The following SLC14A2 variants were observed in gnomAD, a reference collection of about 807,000 sequenced individuals.
SLC14A2 encodes the protein urea transporter 2.
SLC14A2 carries 91 observed loss-of-function variants against 104.6 expected under a neutral mutation model. The observed-to-expected ratio is 0.87, with a 90% confidence interval of 0.73 to 1.04. The LOEUF (loss-of-function observed/expected upper bound fraction) is 1.04. SLC14A2 is among the 50% of genes least tolerant of loss of function. SLC14A2 has a pLI of 0.00. For synonymous variants in SLC14A2, 476 were observed against 466.4 expected (o/e 1.02, Z -0.27); for missense variants, 1,189 against 1,156.0 (o/e 1.03, Z -0.41).
At chr18:45,485,673 G>GT (rs1186865961) in intron 2 of SLC14A2, among the ~76,000 whole-genome samples, 2 of 152,088 alleles carry the variant, frequency 1.3e-5, no homozygotes, top group African/African-American at 4.8e-5. Flanking sequence ...GTTTCTTATA[G>GT]TTTTTTCTTC....
chr18:45,425,313 G>A (rs776123249), intron 1 of SLC14A2, among the ~76,000 whole-genome samples: 5 of 152,110 alleles, frequency 3.3e-5, no homozygotes, highest in Non-Finnish European at 5.9e-5. Flanking sequence ...ATTCTACATG[G>A]CATGGCTATA....
the SLC14A2 span, among the ~76,000 whole-genome samples, chr18:45,194,347 C>T: frequency 6.6e-6 from 1 of 152,136 alleles, no homozygotes; most frequent in Non-Finnish European, 1.5e-5. Context: ...GTAGGGTCGC[C>T]ATCAGGTTCA....
chr18:45,417,731 T>C (rs151298899), intron 1 of SLC14A2, among the ~76,000 whole-genome samples: 86 of 152,306 alleles, frequency 5.6e-4, no homozygotes, highest in African/African-American at 2.0e-3. Flanking sequence ...TTATTGTTGA[T>C]AATAATTGTC....
At chr18:45,365,862 A>G (rs1456818746) in intron 1 of SLC14A2, among the ~76,000 whole-genome samples, 1 of 152,116 alleles carries the variant, frequency 6.6e-6, no homozygotes. Context: ...TTTTTCCAGC[A>G]CTGTGAATGA....
upstream of SLC14A2, chr18:45,212,865 G>C (rs1277478580): frequency 6.6e-6 from 1 of 152,252 alleles, no homozygotes; most frequent in African/African-American, 2.4e-5. Context: ...CGATCCCTCT[G>C]TTGTGCCATG....
chr18:45,528,192 G>C (rs1487751576), intron 2 of SLC14A2: 1 of 145,284 alleles, frequency 6.9e-6, no homozygotes, highest in African/African-American at 2.5e-5. Context: ...CGGGGGGGGG[G>C]GGGGGTGTCT....
chr18:45,197,921 G>A, the SLC14A2 span, among the ~76,000 whole-genome samples: 2 of 152,160 alleles, frequency 1.3e-5, no homozygotes, highest in Non-Finnish European at 2.9e-5. Flanking sequence ...AAGGAAAAAT[G>A]AAAATCTAAA....
At chr18:45,260,694 A>G (rs751801523) in intron 1 of SLC14A2, among the ~76,000 whole-genome samples, 6 of 152,194 alleles carry the variant, frequency 3.9e-5, no homozygotes, top group Non-Finnish European at 8.8e-5. Context: ...TTATCCTTGA[A>G]TTAACAATGC....
intron 2 of SLC14A2, among the ~76,000 whole-genome samples, chr18:45,488,487 C>T (rs1033581060): frequency 6.6e-6 from 1 of 152,114 alleles, no homozygotes; most frequent in Non-Finnish European, 1.5e-5. Context: ...ATGGAAGTGG[C>T]TAAAGAACAG....
intron 1 of SLC14A2, among the ~76,000 whole-genome samples, chr18:45,267,107 G>T (rs1179058903): frequency 6.6e-6 from 1 of 152,136 alleles, no homozygotes; most frequent in East Asian, 1.9e-4. Context: ...AGTGTTCAGG[G>T]TTCTGCCAAA....
At position 45,636,411 on chromosome 18, in the gene SLC14A2, C is replaced by T. The variant is rs111875527; in HGVS notation, c.651-579C>T. Among the ~76,000 whole-genome samples the T allele has an allele frequency of 4.9e-3, 748 of 152,318 alleles. 9 individuals carry two copies. Among genetic ancestry groups the T allele is most frequent in the African/African-American group, 0.017 (697 of 41,572 alleles). On this transcript the variant is annotated intron_variant, in intron 5 of 19. Transcript: ENST00000255226. ...CACTAAGCTTCATCTGTCTCCAACA[C>T]CCATTCTCCTTCCAAGGAAAAGATG... is the stretch of plus-strand genomic sequence containing the variant.
At chr18:45,498,494 C>T (rs897413516) in intron 2 of SLC14A2, among the ~76,000 whole-genome samples, 2 of 152,220 alleles carry the variant, frequency 1.3e-5, no homozygotes, top group Non-Finnish European at 1.5e-5. Context: ...TTGCCGTTTG[C>T]TGCAACACCA....
intron 1 of SLC14A2, among the ~76,000 whole-genome samples, chr18:45,442,189 G>A (rs1172623436): frequency 6.6e-6 from 1 of 152,184 alleles, no homozygotes; most frequent in Non-Finnish European, 1.5e-5. Context: ...TTTAACTGAT[G>A]TGAGCCTCAG....
At chr18:45,514,822 T>C (rs914698038) in intron 2 of SLC14A2, among the ~76,000 whole-genome samples, 1 of 152,236 alleles carries the variant, frequency 6.6e-6, no homozygotes, top group African/African-American at 2.4e-5. Context: ...CTTTTGCTTA[T>C]ACTGCACTGG....
rs62090756 is a variant in SLC14A2, at chr18:45,437,086, G to C, written c.-124-46147G>C. 2.1e-3 allele frequency among the ~76,000 whole-genome samples: 322 copies of C among 152,308 alleles called. 7 individuals are homozygous for C. The highest frequency in any genetic ancestry group is 2.4e-3 in the Non-Finnish European group (160 of 68,034). ...CCCCACTTCCCACACACACAGGCAC[G>C]TATAGATGTACGCGCTAATGGACGC... On this transcript the variant is annotated intron_variant, in intron 1 of 20. Transcript: ENST00000586448.
chr18:45,393,384 T>C (rs1489549091), intron 1 of SLC14A2, among the ~76,000 whole-genome samples: 1 of 152,160 alleles, frequency 6.6e-6, no homozygotes, highest in Non-Finnish European at 1.5e-5. Flanking sequence ...ATTCCCTTGA[T>C]CAAAGCCTTG....
At chr18:45,544,107 C>A (rs1019942635) in intron 2 of SLC14A2, among the ~76,000 whole-genome samples, 1 of 152,186 alleles carries the variant, frequency 6.6e-6, no homozygotes, top group Non-Finnish European at 1.5e-5. Flanking sequence ...CCCAATGCAC[C>A]GTCCCCTTAG....
intron 2 of SLC14A2, among the ~76,000 whole-genome samples, chr18:45,552,040 T>C (rs537501579): frequency 3.7e-4 from 57 of 152,334 alleles, no homozygotes; most frequent in African/African-American, 1.3e-3. Context: ...ATTTTGTAGC[T>C]TTAGAAATAA....
chr18:45,181,717 A>G, the SLC14A2 span, among the ~76,000 whole-genome samples: 1 of 152,232 alleles, frequency 6.6e-6, no homozygotes, highest in South Asian at 2.1e-4. Context: ...ATGTCTTCTG[A>G]AACAGATTTA....
Sources: allele counts gnomAD v4.1 joint callset (sites outside exome capture counted in the v4.1 genomes callset), GRCh38; gene constraint gnomAD v4.1.1; transcripts MANE v1.5; gene names NCBI Gene and HGNC (gene_info 2026-07-23, HGNC 2026-07-21).